Variants in PIEZO2 observed in about 807,000 individuals in gnomAD.
The protein encoded by PIEZO2 is piezo-type mechanosensitive ion channel component 2.
PIEZO2 carries 172 observed loss-of-function variants against 337.3 expected under a neutral mutation model. The observed-to-expected ratio is 0.51, with a 90% CI of 0.45 to 0.58. The LOEUF is 0.58. Ranked by LOEUF, PIEZO2 falls within the 20% of genes least tolerant of loss-of-function variation. PIEZO2 has a pLI of 0.00. For missense variants in PIEZO2, 3,028 were observed against 3,391.3 expected, an observed-to-expected ratio of 0.89 and a Z score of 2.66; for synonymous variants, 1,251 against 1,228.5, an observed-to-expected ratio of 1.02 and a Z score of -0.38.
At chr18:10,934,170 T>C (rs2032243466) in intron 3 of PIEZO2, among the ~76,000 whole-genome samples, 1 of 152,272 alleles carries the variant, frequency 6.6e-6, no homozygotes. Context: ...ACCAATGAGA[T>C]TCCATTAAAG....
intron 1 of PIEZO2, among the ~76,000 whole-genome samples, chr18:11,144,850 G>T (rs1341243447): frequency 6.6e-6 from 1 of 152,072 alleles, no homozygotes; most frequent in African/African-American, 2.4e-5. Context: ...CTGAAAATAT[G>T]TAAGTCATTT....
rs1196944174 is a variant in PIEZO2, at chr18:10,888,214, T to C, written c.330-16799A>G. On this transcript the variant is annotated intron_variant, in intron 4 of 55. Transcript: ENST00000674853. The surrounding 1 kb of genome is among the most constrained non-coding windows in gnomAD (Gnocchi z 4.1). ...AAATCAATTTCTTAGCTAAGTAATA[T>C]CAGTGTGGATGCATGAACTTCTCTT... Among the ~76,000 whole-genome samples the C allele has an allele frequency of 6.6e-6, 1 of 152,192 alleles. No individual in the cohort carries two copies. The highest frequency in any genetic ancestry group is 1.5e-5 in the Non-Finnish European group (1 of 68,042).
chr18:10,696,553 AC>A lies in PIEZO2; in HGVS notation c.6828-15del. On this transcript the variant is annotated splice_polypyrimidine_tract_variant and intron_variant, in intron 45 of 55. Coordinates refer to ENST00000674853, the MANE Select transcript of PIEZO2 (RefSeq NM_001378183.1). ...ATCTCCAGCGTCCTGCAAAATGGAG[AC>A]CCCCACCCCCAACCCACTTGTTTCA... is the stretch of plus-strand genomic sequence containing the variant. 1 of 1,611,198 alleles carries A rather than the reference AC, an allele frequency of 6.2e-7. No homozygotes were observed. The highest frequency in any genetic ancestry group is 8.5e-7 in the Non-Finnish European group (1 of 1,179,424).
rs1416971610 is a variant in PIEZO2, at chr18:11,131,562, C to T, written c.64+16963G>A. On this transcript the variant is annotated intron_variant, in intron 1 of 55. Transcript: ENST00000674853. This position sits in a 1 kb window ranked among gnomAD's most constrained non-coding sequence, Gnocchi z 5.3. ...AGGACAGCGGTGAAGGGAAATCTTCCCAGTGGGCAGAACTTCGAGCCATGC... is the reference window on the plus strand; with the variant it reads ...AGGACAGCGGTGAAGGGAAATCTTCTCAGTGGGCAGAACTTCGAGCCATGC... Among the ~76,000 whole-genome samples the T allele has an allele frequency of 6.6e-6, 1 of 152,216 alleles. No homozygotes were observed. Among genetic ancestry groups the T allele is most frequent in the African/African-American group, 2.4e-5 (1 of 41,444 alleles).
chr18:10,835,276 ATTT>A (rs56962370), intron 7 of PIEZO2, among the ~76,000 whole-genome samples: 2 of 143,274 alleles, frequency 1.4e-5, no homozygotes, highest in Non-Finnish European at 1.5e-5. Context: ...CAATGACCTC[ATTT>A]TTTTTTTTTT....
At chr18:10,976,536 A>G (rs889923286) in intron 3 of PIEZO2, among the ~76,000 whole-genome samples, 1 of 152,176 alleles carries the variant, frequency 6.6e-6, no homozygotes, top group African/African-American at 2.4e-5. Flanking sequence ...TAAACTTCAA[A>G]TTGGAATTTA....
At chr18:10,902,968 C>T (rs1288371150) in intron 4 of PIEZO2, among the ~76,000 whole-genome samples, 3 of 152,230 alleles carry the variant, frequency 2.0e-5, no homozygotes, top group South Asian at 4.1e-4. Context: ...GGAGCTGGTG[C>T]ATTTGTACAC....
At chr18:10,958,912 A>C (rs981352547) in intron 3 of PIEZO2, among the ~76,000 whole-genome samples, 1 of 152,214 alleles carries the variant, frequency 6.6e-6, no homozygotes, top group Admixed American at 6.5e-5. Context: ...GCACAGTTAT[A>C]AAAGCATAAT....
At chr18:10,921,898 T>C (rs2031440323) in intron 3 of PIEZO2, among the ~76,000 whole-genome samples, 1 of 152,144 alleles carries the variant, frequency 6.6e-6, no homozygotes, top group Admixed American at 6.5e-5. Context: ...CAGTCTCCCA[T>C]AGCGCTCCCA....
intron 7 of PIEZO2, among the ~76,000 whole-genome samples, chr18:10,817,212 A>G (rs1401401254): frequency 1.3e-5 from 2 of 152,208 alleles, no homozygotes; most frequent in African/African-American, 4.8e-5. Flanking sequence ...CCCAGCAAAT[A>G]CCATTTTAAT....
chr18:10,691,493 C>T, intron 47 of PIEZO2, 110 bp from the exon 48 acceptor site: 1 of 1,122,832 alleles, frequency 8.9e-7, no homozygotes, highest in Non-Finnish European at 1.3e-6. Context: ...TTCATCATTC[C>T]AACTCAATTC....
chr18:10,798,653 G>A (rs2039696343), intron 11 of PIEZO2, among the ~76,000 whole-genome samples: 1 of 152,142 alleles, frequency 6.6e-6, no homozygotes, highest in South Asian at 2.1e-4. Context: ...TATGATTTCA[G>A]TATGTCTGGG....
rs1377473382 is a variant in PIEZO2 at position 10,724,544 on chromosome 18, A to G, written c.5030-6285T>C. ...CACCCACTCATGCTGGTCTCCACAT[A>G]CCCTTCTGTGTCCCCAGAAGTCGAC... On this transcript the variant is annotated intron_variant, in intron 36 of 55. Transcript: ENST00000674853. The surrounding 1 kb of genome is among the most constrained non-coding windows in gnomAD (Gnocchi z 5.8). The G allele has an allele frequency of 9.4e-6, 5 of 533,648 alleles. No homozygotes were observed. Among genetic ancestry groups the G allele is most frequent in the Non-Finnish European group, 1.7e-5 (5 of 296,036 alleles). The allele number at this position is 533,648 out of a possible 1,614,324, so 33.1% of individuals were successfully genotyped here.
rs1349972406 is a variant in PIEZO2 at position 10,794,969 on chromosome 18, A to C, written c.1561T>G (p.Phe521Val). 1 of 1,547,814 alleles carries C rather than the reference A, an allele frequency of 6.5e-7. No homozygotes were observed. Among genetic ancestry groups the C allele is most frequent in the Non-Finnish European group, 8.7e-7 (1 of 1,146,820 alleles). ...WSITYHSWLTFVLLIWSCTLW... is the reference protein window; with the variant it reads ...WSITYHSWLTVVLLIWSCTLW... ...GTGCACGACCAGATCAGCAGCACGA[A>C]GGTCAGCCAGCTGTGATAGGTGATG... Residue 521 changes from phenylalanine to valine, a missense_variant, in exon 13 of 56, where the codon TTC becomes GTC. By Grantham distance (50) the Phe-to-Val change is conservative. Around this residue, in one of 5 missense-constraint regions of PIEZO2, gnomAD observed 50 missense variants for 88.2 expected, o/e 0.57. Coordinates refer to ENST00000674853, the MANE Select transcript of PIEZO2 (RefSeq NM_001378183.1). The surrounding 1 kb of genome is among the most constrained non-coding windows in gnomAD (Gnocchi z 6.6).
chr18:10,729,972 AC>A (rs1453307734), intron 36 of PIEZO2, among the ~76,000 whole-genome samples: 1 of 152,250 alleles, frequency 6.6e-6, no homozygotes, highest in African/African-American at 2.4e-5. Flanking sequence ...TATATTAGTA[AC>A]ATAATGTATT....
At chr18:11,144,655 G>A (rs1474303001) in intron 1 of PIEZO2, among the ~76,000 whole-genome samples, 1 of 152,196 alleles carries the variant, frequency 6.6e-6, no homozygotes, top group Admixed American at 6.5e-5. Flanking sequence ...GGGAGTTTTA[G>A]AGATTCTTTC....
Position 10,736,610 on chromosome 18 carries a change from T to C in PIEZO2, c.4809A>G (p.Ala1603=), listed in dbSNP as rs747762117. 1.1e-4 allele frequency: 162 copies of C among 1,537,102 alleles called. No individual in the cohort carries two copies. Among genetic ancestry groups the C allele is most frequent in the Non-Finnish European group, 1.4e-4 (156 of 1,146,886 alleles). The change falls in exon 34 of 56, where the codon GCA becomes GCG. Residue 1603 remains alanine (A), a synonymous_variant. Coordinates refer to ENST00000674853, the MANE Select transcript of PIEZO2 (RefSeq NM_001378183.1). The part of the protein sequence containing the change: ...KEDEEPPRRS[A]FQRAIGKFAS... ...TGATTTTCCCCATAATTACCTGGAA[T>C]GCTGACCTTCGTGGAGGTTCTTCAT... is the stretch of plus-strand genomic sequence containing the variant.
chr18:10,704,618 T>G lies in PIEZO2; in HGVS notation c.6034A>C (p.Lys2012Gln). Residue 2012 changes from lysine (K) to glutamine (Q), a missense_variant, in exon 42 of 56, where the codon AAA (lysine) becomes CAA (glutamine). By Grantham distance (53) the Lys-to-Gln change is moderately conservative. Coordinates refer to ENST00000674853, the MANE Select transcript of PIEZO2 (RefSeq NM_001378183.1). ...FHDDELEESE[K>Q]FYVGQPRFLL... is the part of the protein sequence containing the mutation. ...AATCGGGGCTGCCCCACGTAGAATT[T>G]CTCTGACTCTTCAAGCTCATCGTCG... is the stretch of plus-strand genomic sequence containing the variant. 3 of 1,537,206 alleles carry G rather than the reference T, an allele frequency of 2.0e-6. No homozygotes were observed. Among genetic ancestry groups the G allele is most frequent in the Non-Finnish European group, 2.6e-6 (3 of 1,146,870 alleles).
intron 1 of PIEZO2, among the ~76,000 whole-genome samples, chr18:11,085,412 C>G (rs1420435320): frequency 6.6e-6 from 1 of 152,134 alleles, no homozygotes; most frequent in African/African-American, 2.4e-5. Context: ...TCCTCCTTTC[C>G]TTTTGATGTG....
Sources: gnomAD v4.1 joint callset for allele counts (sites outside exome capture counted in the v4.1 genomes callset) on GRCh38, gnomAD v4.1.1 for gene constraint, gnomAD v4.1.1 regional missense constraint, Gnocchi (gnomAD v3.1) non-coding constraint, MANE v1.5 for transcripts, NCBI Gene and HGNC (gene_info 2026-07-23, HGNC 2026-07-21) for gene names.